PHACTR4: variants seen among roughly 807,000 people sequenced by gnomAD.
The protein encoded by PHACTR4 is phosphatase and actin regulator 4, also known as protein phosphatase 1, regulatory subunit 124.
Under a neutral mutation model 72.7 loss-of-function variants are expected in PHACTR4, and 51 were observed. The observed-to-expected ratio is 0.70, with a 90% CI of 0.56 to 0.89. The LOEUF (loss-of-function observed/expected upper bound fraction) is 0.89. Ranked by LOEUF, PHACTR4 falls within the 40% of genes least tolerant of loss-of-function variation. The pLI is 0.00. For synonymous variants in PHACTR4, 255 were observed against 302.5 expected (o/e 0.84, Z 1.63); for missense variants, 731 against 861.8 (o/e 0.85, Z 1.90).
At chr1:28,406,839 G>A (rs930715659) in intron 1 of PHACTR4, among the ~76,000 whole-genome samples, 5 of 152,136 alleles carry the variant, frequency 3.3e-5, no homozygotes, top group African/African-American at 9.7e-5. Context: ...TCATACTTGA[G>A]TGGATAAACT....
At chr1:28,399,706 T>C (rs145106453) in intron 1 of PHACTR4, among the ~76,000 whole-genome samples, 52 of 152,146 alleles carry the variant, frequency 3.4e-4, no homozygotes, top group African/African-American at 1.2e-3. Context: ...AGAGACACAA[T>C]AAGAACTTAG....
chr1:28,436,545 G>A (rs1656649326), intron 2 of PHACTR4, among the ~76,000 whole-genome samples: 1 of 152,196 alleles, frequency 6.6e-6, no homozygotes, highest in African/African-American at 2.4e-5. Context: ...ATGGTTAGTT[G>A]TGGTGATGAT....
intron 1 of PHACTR4, among the ~76,000 whole-genome samples, chr1:28,379,464 G>A (rs1453199803): frequency 6.6e-6 from 1 of 151,508 alleles, no homozygotes; most frequent in East Asian, 1.9e-4. Flanking sequence ...TGTAGAGATG[G>A]GATTTCGCCA....
intron 1 of PHACTR4, among the ~76,000 whole-genome samples, 191 bp downstream of exon 1, chr1:28,370,016 A>G (rs1255695916): frequency 3.3e-5 from 5 of 151,858 alleles, no homozygotes; most frequent in East Asian, 1.9e-4. Flanking sequence ...CCCTCCCACA[A>G]CGGTCCAACC....
intron 2 of PHACTR4, among the ~76,000 whole-genome samples, chr1:28,434,601 T>C (rs2124388604): frequency 6.6e-6 from 1 of 152,358 alleles, no homozygotes; most frequent in African/African-American, 2.4e-5. Context: ...ATTACAGGCA[T>C]GAGCCACTGT....
At chr1:28,444,678 C>T (rs1253270709) in intron 2 of PHACTR4, among the ~76,000 whole-genome samples, 2 of 150,670 alleles carry the variant, frequency 1.3e-5, no homozygotes, top group Non-Finnish European at 3.0e-5. Context: ...TGCAGTGGCG[C>T]GATCTCGGCT....
chr1:28,379,278 T>G (rs1651944053), intron 1 of PHACTR4, among the ~76,000 whole-genome samples: 5 of 151,490 alleles, frequency 3.3e-5, no homozygotes, highest in Admixed American at 3.3e-4. Flanking sequence ...TTTCTTTTTT[T>G]TTTTTTTGAA....
At chr1:28,441,734 T>C (rs61783849) in intron 2 of PHACTR4, among the ~76,000 whole-genome samples, 58,687 of 152,102 alleles carry the variant, frequency 0.39, 13,030 homozygotes, top group African/African-American at 0.6. Flanking sequence ...TTGGTTCGTG[T>C]CTATAATCCC....
chr1:28,450,790 TTG>T (rs140707466), intron 2 of PHACTR4, among the ~76,000 whole-genome samples: 15 of 148,988 alleles, frequency 1.0e-4, no homozygotes, highest in Admixed American at 4.7e-4. Context: ...CAGCCAATTG[TTG>T]TGTGTGTGTG....
chr1:28,441,664 G>A (rs188677857), intron 2 of PHACTR4, among the ~76,000 whole-genome samples: 35 of 152,204 alleles, frequency 2.3e-4, no homozygotes, highest in African/African-American at 7.9e-4. Context: ...AATAAAATAC[G>A]TTCATAGGAG....
intron 8 of PHACTR4, among the ~76,000 whole-genome samples, chr1:28,477,076 GATAT>G (rs1236946683): frequency 6.9e-6 from 1 of 144,690 alleles, no homozygotes; most frequent in East Asian, 2.1e-4. Context: ...GGCCATAAAA[GATAT>G]ATATATAATT....
chr1:28,458,023 G>A (rs943012508), intron 2 of PHACTR4, among the ~76,000 whole-genome samples: 1 of 151,094 alleles, frequency 6.6e-6, no homozygotes, highest in Non-Finnish European at 1.5e-5. Context: ...CATTATGAGG[G>A]GTTCATGGCC....
In PHACTR4 at chr1:28,485,354, C is replaced by T. The variant is rs143034862; in HGVS notation, c.1761-3816C>T. On this transcript the variant is annotated intron_variant, in intron 9 of 13. Transcript: ENST00000373839. ...CTGTAATCCCAACACTTTGGGACAC[C>T]GAGGCAGGCAGATCACGAGGTCAGG... 8.9e-3 allele frequency among the ~76,000 whole-genome samples: 1,354 copies of T among 152,274 alleles called. 18 individuals carry two copies. The highest frequency in any genetic ancestry group is 0.031 in the African/African-American group (1,292 of 41,546).
chr1:28,495,901 A>G (rs1228698589), intron 13 of PHACTR4, among the ~76,000 whole-genome samples: 1 of 152,060 alleles, frequency 6.6e-6, no homozygotes, highest in Admixed American at 6.6e-5. Flanking sequence ...GATTACAGGC[A>G]TGAGCCACCG....
intron 2 of PHACTR4, among the ~76,000 whole-genome samples, chr1:28,415,902 A>G (rs2124319380): frequency 6.6e-6 from 1 of 152,206 alleles, no homozygotes; most frequent in Admixed American, 6.5e-5. Context: ...AAAGTCAATT[A>G]TTTTTTTCTT....
rs1043426918 is a variant in PHACTR4, at chr1:28,497,778, A to T, written c.*1229A>T. The T allele has an allele frequency of 4.6e-5, 7 of 151,354 alleles. No individual in the cohort carries two copies. The Admixed American group carries it at 4.6e-4, about 10-fold the overall frequency. The allele number at this position is 151,354 out of a possible 1,614,324, so 9.4% of individuals were successfully genotyped here. ...GAGGCTGAGGCGGGTGGATCACCTG[A>T]GTTCAGGAGTTCAAGACCAGCCTGG... On this transcript the variant is annotated 3_prime_UTR_variant, in exon 14 of 14. Coordinates refer to ENST00000373839, the MANE Select transcript of PHACTR4 (RefSeq NM_001048183.3).
At chr1:28,377,927 T>G (rs964470864) in intron 1 of PHACTR4, among the ~76,000 whole-genome samples, 52 of 151,716 alleles carry the variant, frequency 3.4e-4, no homozygotes, top group African/African-American at 1.1e-3. Context: ...GCCAGATGTG[T>G]TGGCTCACGC....
chr1:28,495,950 G>A (rs1661322414), intron 13 of PHACTR4, among the ~76,000 whole-genome samples: 1 of 151,248 alleles, frequency 6.6e-6, no homozygotes, highest in African/African-American at 2.4e-5. Context: ...TTAAAGGGTA[G>A]ACAGAGGAAA....
intron 9 of PHACTR4, among the ~76,000 whole-genome samples, chr1:28,483,583 T>G (rs972445043): frequency 2.0e-5 from 3 of 150,270 alleles, no homozygotes; most frequent in Admixed American, 2.0e-4. Flanking sequence ...GGGTGGATCA[T>G]GAGGTCAGGA....
Sources: gnomAD v4.1 joint callset for allele counts (sites outside exome capture counted in the v4.1 genomes callset) on GRCh38, gnomAD v4.1.1 for gene constraint, MANE v1.5 for transcripts, NCBI Gene and HGNC (gene_info 2026-07-23, HGNC 2026-07-21) for gene names.